MTUS2: variants seen among roughly 807,000 people sequenced by gnomAD.
MTUS2 encodes the protein microtubule-associated tumor suppressor candidate 2.
MTUS2 carries 40 observed loss-of-function variants against 114.1 expected under a neutral mutation model. The observed-to-expected ratio is 0.35, with a 90% CI of 0.27 to 0.46. The LOEUF (loss-of-function observed/expected upper bound fraction) is 0.46, where lower values mean the gene tolerates loss of function less well. Ranked by LOEUF, MTUS2 falls within the 20% of genes least tolerant of loss-of-function variation. The pLI is 1.00. For synonymous variants in MTUS2, 688 were observed against 672.0 expected, an observed-to-expected ratio of 1.02 and a Z score of -0.37; for missense variants, 1,679 against 1,705.4, an observed-to-expected ratio of 0.98 and a Z score of 0.27.
In MTUS2 at chr13:29,026,491, C is replaced by T. The variant is rs1427694805; in HGVS notation, c.1793C>T (p.Pro598Leu). 1 of 1,613,952 alleles carries T rather than the reference C, an allele frequency of 6.2e-7. No individual in the cohort carries two copies. The highest frequency in any genetic ancestry group is 8.5e-7 in the Non-Finnish European group (1 of 1,179,880). Residue 598 changes from proline to leucine, a missense_variant, in exon 3 of 16, where the codon CCC becomes CTC. Pro to Leu is a moderately conservative substitution (Grantham distance 98). Transcript: ENST00000612955. Reference sequence around the variant, plus strand: ...AAGAACACTTGCCCCAGTGGGATCCCCAAGCCTGTCTTCACACATTCCAAG... The same window carrying T: ...AAGAACACTTGCCCCAGTGGGATCCTCAAGCCTGTCTTCACACATTCCAAG... ...PDKNTCPSGI[P>L]KPVFTHSKDT...
At chr13:29,039,569 A>G (rs1887255516) in intron 4 of MTUS2, among the ~76,000 whole-genome samples, 1 of 152,206 alleles carries the variant, frequency 6.6e-6, no homozygotes, top group South Asian at 2.1e-4. Flanking sequence ...GGCTCTGGGC[A>G]GAGGGGGCCT....
Position 29,210,314 on chromosome 13 carries a change from G to C in MTUS2, c.2645-71390G>C, listed in dbSNP as rs550088698. Among the ~76,000 whole-genome samples, 91 of 151,958 alleles carry C rather than the reference G, an allele frequency of 6.0e-4. 1 individual carries two copies. In the Middle Eastern group the frequency reaches 0.01, roughly 17 times the overall value. Reference sequence around the variant, plus strand: ...TTTATTTATGCTATGTATTTCTCTGGAGATTTTTTCATCCATGTTCTGTAA... The same window carrying C: ...TTTATTTATGCTATGTATTTCTCTGCAGATTTTTTCATCCATGTTCTGTAA... On this transcript the variant is annotated intron_variant, in intron 5 of 15. Transcript: ENST00000612955.
chr13:29,064,784 C>G (rs190174064), intron 4 of MTUS2, among the ~76,000 whole-genome samples: 1 of 152,228 alleles, frequency 6.6e-6, no homozygotes, highest in African/African-American at 2.4e-5. Context: ...CCCCACCCAT[C>G]CCTCACCCTC....
rs766310181 is a variant in MTUS2, at chr13:29,216,327, C to T, written c.2645-65377C>T. Among the ~76,000 whole-genome samples, 62 of 152,302 alleles carry T rather than the reference C, an allele frequency of 4.1e-4. 1 individual carries two copies. Among genetic ancestry groups the T allele is most frequent in the Non-Finnish European group, 5.4e-4 (37 of 68,010 alleles). On this transcript the variant is annotated intron_variant, in intron 5 of 15. Transcript: ENST00000612955. ...TTGCTGGGCTCCATGGGGTGGGATC[C>T]GCTGAGCAAGACCACTTGGCTCCCT...
chr13:29,247,339 A>T (rs1030268766), intron 5 of MTUS2, among the ~76,000 whole-genome samples: 24 of 152,206 alleles, frequency 1.6e-4, no homozygotes, highest in African/African-American at 5.3e-4. Flanking sequence ...CCCTTCTAGA[A>T]ATTGGCTTAG....
intron 2 of MTUS2, among the ~76,000 whole-genome samples, chr13:28,879,328 G>C (rs907621273): frequency 6.6e-6 from 1 of 152,162 alleles, no homozygotes; most frequent in African/African-American, 2.4e-5. Context: ...CCTGCTGGTG[G>C]ATAGGAAAAC....
At chr13:28,950,481 C>G (rs778219794) in intron 2 of MTUS2, among the ~76,000 whole-genome samples, 1 of 152,078 alleles carries the variant, frequency 6.6e-6, no homozygotes, top group African/African-American at 2.4e-5. Flanking sequence ...ACCTTTGTTG[C>G]TTGTAATTTT....
At chr13:29,267,056 G>A (rs747834456) in intron 5 of MTUS2, among the ~76,000 whole-genome samples, 3 of 152,188 alleles carry the variant, frequency 2.0e-5, no homozygotes, top group Non-Finnish European at 4.4e-5. Flanking sequence ...CGGGGAAGAA[G>A]AGCTGGTGGC....
chr13:28,914,433 A>G (rs1414140906), intron 2 of MTUS2, among the ~76,000 whole-genome samples: 1 of 151,952 alleles, frequency 6.6e-6, no homozygotes, highest in Non-Finnish European at 1.5e-5. Flanking sequence ...CTTGAGTTCT[A>G]TTTTGATTGT....
At chr13:29,058,570 T>C (rs898769949) in intron 4 of MTUS2, among the ~76,000 whole-genome samples, 6 of 129,218 alleles carry the variant, frequency 4.6e-5, no homozygotes, top group African/African-American at 1.4e-4. Context: ...TTGATGCTTT[T>C]TTTTTTTTTT....
intron 7 of MTUS2, among the ~76,000 whole-genome samples, chr13:29,338,436 A>G (rs1369798040): frequency 4.1e-4 from 62 of 151,846 alleles, no homozygotes; most frequent in Non-Finnish European, 5.9e-5. Context: ...AAATACAAAA[A>G]AAAATTAGCT....
chr13:29,061,237 C>T (rs1237633046), intron 4 of MTUS2, among the ~76,000 whole-genome samples: 1 of 152,126 alleles, frequency 6.6e-6, no homozygotes, highest in Non-Finnish European at 1.5e-5. Flanking sequence ...TAGTTTGATT[C>T]TTTCAAGGCT....
intron 8 of MTUS2, among the ~76,000 whole-genome samples, chr13:29,365,289 G>A (rs999132885): frequency 6.6e-6 from 1 of 152,092 alleles, no homozygotes; most frequent in East Asian, 1.9e-4. Flanking sequence ...AAAACATCAT[G>A]GTCAGTGGAA....
chr13:28,844,976 G>A (rs752790506), intron 2 of MTUS2, among the ~76,000 whole-genome samples: 7 of 151,962 alleles, frequency 4.6e-5, no homozygotes, highest in South Asian at 2.1e-4. Flanking sequence ...ATTTTTTAGA[G>A]ACAGGATTTC....
At chr13:28,903,536 A>G (rs1175787871) in intron 2 of MTUS2, among the ~76,000 whole-genome samples, 2 of 150,774 alleles carry the variant, frequency 1.3e-5, no homozygotes, top group African/African-American at 4.9e-5. Flanking sequence ...TGCTTGGGAT[A>G]GTTTGCTGAG....
At chr13:29,238,404 C>T (rs576964982) in intron 5 of MTUS2, among the ~76,000 whole-genome samples, 26 of 152,274 alleles carry the variant, frequency 1.7e-4, no homozygotes, top group Non-Finnish European at 3.4e-4. Flanking sequence ...GAAGCCAGTC[C>T]GAGTCCCAAA....
chr13:29,390,317 A>G (rs1322747831), intron 8 of MTUS2, among the ~76,000 whole-genome samples: 1 of 151,986 alleles, frequency 6.6e-6, no homozygotes, highest in African/African-American at 2.4e-5. Context: ...CAACTTACAT[A>G]TTGGAAGAAA....
intron 2 of MTUS2, among the ~76,000 whole-genome samples, chr13:28,994,953 G>A (rs962455047): frequency 6.6e-6 from 1 of 151,960 alleles, no homozygotes; most frequent in African/African-American, 2.4e-5. Context: ...TGCTTTTGGT[G>A]TTTTAGACAT....
intron 6 of MTUS2, among the ~76,000 whole-genome samples, chr13:29,287,871 C>G (rs1898555541): frequency 6.6e-6 from 1 of 152,114 alleles, no homozygotes; most frequent in Non-Finnish European, 1.5e-5. Context: ...TTCCTGTCCC[C>G]ACAGGGTTCA....
Sources: gnomAD v4.1 joint callset for allele counts (sites outside exome capture counted in the v4.1 genomes callset) on GRCh38, gnomAD v4.1.1 for gene constraint, MANE v1.5 for transcripts, NCBI Gene and HGNC (gene_info 2026-07-23, HGNC 2026-07-21) for gene names.